The following MPDZ variants were observed in gnomAD, a reference collection of about 807,000 sequenced individuals.
The protein encoded by MPDZ is multiple PDZ domain crumbs cell polarity complex component.
MPDZ carries 234 observed loss-of-function variants against 239.1 expected under a neutral mutation model. The ratio of observed to expected loss-of-function variants is 0.98; its 90% confidence interval spans 0.88 to 1.09. MPDZ has a LOEUF of 1.09. MPDZ is among the 50% of genes least tolerant of loss of function. MPDZ has a pLI of 0.00. For missense variants in MPDZ, 3,175 were observed against 2,510.0 expected (o/e 1.26, Z -5.66); for synonymous variants, 1,048 against 881.3 (o/e 1.19, Z -3.35).
At chr9:13,212,866 G>T (rs1259411556) in intron 10 of MPDZ, among the ~76,000 whole-genome samples, 3 of 150,218 alleles carry the variant, frequency 2.0e-5, no homozygotes, top group Non-Finnish European at 4.4e-5. Flanking sequence ...CAATTAACAG[G>T]AACAATTACA....
rs752635006 is a variant in MPDZ at position 13,109,042 on chromosome 9, G to A, written c.5960C>T (p.Ser1987Phe). 2 of 1,529,808 alleles carry A rather than the reference G, an allele frequency of 1.3e-6. No homozygotes were observed. Among genetic ancestry groups the A allele is most frequent in the South Asian group, 1.3e-5 (1 of 76,328 alleles). 94.8% of individuals were successfully genotyped at this position (1,529,808 alleles called of 1,614,324 possible). A position where few individuals can be genotyped will look rare whatever the true frequency, so the allele number is the denominator to read the frequency against. Residue 1987 changes from serine (S) to phenylalanine (F), a missense_variant, in exon 46 of 47, where the codon TCT becomes TTT. By Grantham distance (155) the Ser-to-Phe change is radical (BLOSUM62 -2). Transcript: ENST00000319217. Reference protein sequence around the residue: ...QDDLGPPQCKSITLERGPDGL... With the variant: ...QDDLGPPQCKFITLERGPDGL... ...ATCTGGTCCTCGCTCTAGTGTAATAGACTTACATTGAGGAGGTCTACGGTG... is the reference window on the plus strand; with the variant it reads ...ATCTGGTCCTCGCTCTAGTGTAATAAACTTACATTGAGGAGGTCTACGGTG...
intron 22 of MPDZ, 83 bp downstream of exon 22, chr9:13,168,283 C>A (rs1336248982): frequency 5.5e-6 from 7 of 1,276,532 alleles, no homozygotes; most frequent in Non-Finnish European, 7.8e-6. Flanking sequence ...GCATCTCAAA[C>A]AGAAGTGAAT....
intron 1 of MPDZ, among the ~76,000 whole-genome samples, chr9:13,278,496 T>G (rs1199592079): frequency 1.3e-5 from 2 of 152,132 alleles, no homozygotes; most frequent in Non-Finnish European, 2.9e-5. Context: ...GCCCAGCCTT[T>G]GTGCCTCTGC....
At chr9:13,190,875 A>G (rs1954825259) in intron 15 of MPDZ, among the ~76,000 whole-genome samples, 1 of 152,188 alleles carries the variant, frequency 6.6e-6, no homozygotes, top group South Asian at 2.1e-4. Context: ...AGCAATATTC[A>G]TCAACTGGGT....
chr9:13,228,094 G>T (rs1961201388), intron 3 of MPDZ, among the ~76,000 whole-genome samples: 1 of 151,904 alleles, frequency 6.6e-6, no homozygotes. Context: ...TTGGTTTATA[G>T]AATATAAAAT....
At position 13,123,206 on chromosome 9, in the gene MPDZ, T is replaced by C. The variant is rs780202118; in HGVS notation, c.4900A>G (p.Lys1634Glu). Reference protein sequence around the residue: ...PGCETTIEISKGRTGLGLSIV... With the variant: ...PGCETTIEISEGRTGLGLSIV... ...CTCAGGCCCAGCCCTGTTCGCCCTT[T>C]GGAAATCTCGATGGTTGTTTCGCAG... The change falls in exon 36 of 47, where the codon AAA becomes GAA. Residue 1634 changes from lysine (K) to glutamate (E), a missense_variant. By Grantham distance (56) the Lys-to-Glu change is moderately conservative. Coordinates refer to ENST00000319217, the MANE Select transcript of MPDZ (RefSeq NM_001378778.1). The C allele has an allele frequency of 7.4e-6, 12 of 1,613,272 alleles. No individual in the cohort carries two copies. The Admixed American group carries it at 1.5e-4, about 20-fold the overall frequency.
chr9:13,259,788 G>C, intron 1 of MPDZ, among the ~76,000 whole-genome samples: 1 of 152,052 alleles, frequency 6.6e-6, no homozygotes, highest in Non-Finnish European at 1.5e-5. Context: ...GTGAGTAAAG[G>C]CTGAATTACT....
rs1183973464 is a variant in MPDZ at position 13,250,248 on chromosome 9, A to G, written c.16+52T>C. On this transcript the variant is annotated intron_variant, in intron 2 of 46. Coordinates refer to ENST00000319217, the MANE Select transcript of MPDZ (RefSeq NM_001378778.1). ...AACACAACATATGTCAAAAATCCCA[A>G]TGGGAGGAGTTACAATTCTTATAAA... The G allele has an allele frequency of 2.6e-6, 4 of 1,542,458 alleles. No homozygotes were observed. In the African/African-American group the frequency reaches 5.4e-5, roughly 21 times the overall value.
chr9:13,220,956 T>A (rs1205681050), intron 7 of MPDZ, among the ~76,000 whole-genome samples: 3 of 151,958 alleles, frequency 2.0e-5, no homozygotes, highest in Non-Finnish European at 4.4e-5. Flanking sequence ...CAATGACCCA[T>A]CACTAAAGGA....
chr9:13,274,356 T>A (rs1973685225), intron 1 of MPDZ, among the ~76,000 whole-genome samples: 1 of 151,974 alleles, frequency 6.6e-6, no homozygotes, highest in African/African-American at 2.4e-5. Context: ...TATAGCACCT[T>A]GGATCTGGAG....
intron 7 of MPDZ, among the ~76,000 whole-genome samples, chr9:13,220,066 C>G (rs976831816): frequency 4.0e-5 from 6 of 151,890 alleles, no homozygotes; most frequent in African/African-American, 1.5e-4. Context: ...TACCTAAATG[C>G]CTTTTTGTGA....
rs1344122467 is a variant in MPDZ, at chr9:13,168,537, C to T, written c.3083G>A (p.Gly1028Asp). The change falls in exon 22 of 47, where the codon GGC (glycine) becomes GAC (aspartate). Residue 1028 changes from glycine (G) to aspartate (D), a missense_variant. Coordinates refer to ENST00000319217, the MANE Select transcript of MPDZ (RefSeq NM_001378778.1). ...LGMTVSANKDGLGMIVRSIIH... is the reference protein window; with the variant it reads ...LGMTVSANKDDLGMIVRSIIH... ...AATGCTTCGAACGATCATCCCCAAG[C>T]CATCTTTATTAGCACTAACTGTCAT... is the stretch of plus-strand genomic sequence containing the variant. The T allele has an allele frequency of 6.2e-7, 1 of 1,610,204 alleles. No homozygotes were observed. The highest frequency in any genetic ancestry group is 1.7e-5 in the Admixed American group (1 of 59,298).
At position 13,247,615 on chromosome 9, in the gene MPDZ, T is replaced by C; in HGVS notation, c.183+20A>G. On this transcript the variant is annotated intron_variant, in intron 3 of 46. Transcript: ENST00000319217. ...TCTATGCCATGTCGTGAATGCCTGC[T>C]TGGGTGAATGATGTCCTACCTGGTC... 1 of 1,598,646 alleles carries C rather than the reference T, an allele frequency of 6.3e-7. No individual in the cohort carries two copies. The highest frequency in any genetic ancestry group is 8.6e-7 in the Non-Finnish European group (1 of 1,168,302).
intron 24 of MPDZ, among the ~76,000 whole-genome samples, chr9:13,156,402 G>T (rs1212407470): frequency 6.6e-6 from 1 of 152,186 alleles, no homozygotes; most frequent in Admixed American, 6.5e-5. Flanking sequence ...TGTACTTACA[G>T]TTCCACATGG....
chr9:13,226,362 TTG>T (rs1440439030), intron 3 of MPDZ, among the ~76,000 whole-genome samples: 1 of 152,130 alleles, frequency 6.6e-6, no homozygotes, highest in Non-Finnish European at 1.5e-5. Flanking sequence ...GGTGCCTGGA[TTG>T]TGACTTTTTA....
intron 19 of MPDZ, among the ~76,000 whole-genome samples, 172 bp downstream of exon 19, chr9:13,183,246 A>C (rs1953610243): frequency 6.6e-6 from 1 of 152,054 alleles, no homozygotes; most frequent in South Asian, 2.1e-4. Context: ...TCTGAAAGCT[A>C]TCCAACCAAC....
intron 27 of MPDZ, chr9:13,140,729 G>C (rs900796986): frequency 2.0e-5 from 3 of 151,866 alleles, no homozygotes; most frequent in African/African-American, 7.3e-5. Flanking sequence ...GTCTGGGTAA[G>C]ATTTGAGGCA....
chr9:13,171,223 C>G (rs1951737576), intron 21 of MPDZ, among the ~76,000 whole-genome samples: 1 of 152,068 alleles, frequency 6.6e-6, no homozygotes, highest in Non-Finnish European at 1.5e-5. Context: ...AAACTAAAAA[C>G]AAAACAAAAC....
chr9:13,265,755 C>A (rs527498376), intron 1 of MPDZ, among the ~76,000 whole-genome samples: 31 of 152,102 alleles, frequency 2.0e-4, no homozygotes, highest in Admixed American at 4.6e-4. Context: ...TGTGAGATCT[C>A]GATGACACTG....
Sources: gnomAD v4.1 joint callset for allele counts (sites outside exome capture counted in the v4.1 genomes callset) on GRCh38, gnomAD v4.1.1 for gene constraint, MANE v1.5 for transcripts, NCBI Gene and HGNC (gene_info 2026-07-23, HGNC 2026-07-21) for gene names.